ADGRV1: variants seen among roughly 807,000 people sequenced by gnomAD.
ADGRV1 encodes the protein G-protein coupled receptor 98.
Under a neutral mutation model 596.2 loss-of-function variants are expected in ADGRV1, and 359 were observed. The observed-to-expected ratio is 0.60, with a 90% CI of 0.55 to 0.66. The LOEUF is 0.66. ADGRV1 is among the 30% of genes least tolerant of loss of function. ADGRV1 has a pLI of 0.00. For synonymous variants in ADGRV1, 2,681 were observed against 2,679.2 expected, an observed-to-expected ratio of 1.00 and a Z score of -0.02; for missense variants, 7,274 against 7,575.6, an observed-to-expected ratio of 0.96 and a Z score of 1.48.
chr5:91,028,433 G>A (rs1784194781), intron 85 of ADGRV1, among the ~76,000 whole-genome samples: 1 of 152,038 alleles, frequency 6.6e-6, no homozygotes, highest in South Asian at 2.1e-4. Flanking sequence ...AAACACTTCA[G>A]GCCGACTTTG....
Position 90,815,625 on chromosome 5 carries a change from A to G in ADGRV1, c.16085A>G (p.Asp5362Gly). The G allele has an allele frequency of 5.2e-6, 8 of 1,542,156 alleles. No homozygotes were observed. The highest frequency in any genetic ancestry group is 7.1e-6 in the Non-Finnish European group (8 of 1,131,920). The change falls in exon 75 of 90, where the codon GAC (aspartate) becomes GGC (glycine). Residue 5362 changes from aspartate (D) to glycine (G), a missense_variant. Physicochemically the swap from Asp to Gly is moderately conservative, Grantham distance 94. Transcript: ENST00000405460. ...AFAMVIITGS[D>G]LHNGIIGFSE... Reference sequence around the variant, plus strand: ...CCTCCATTCTTTTTTTCAGGGAGTGACCTTCACAATGGCATCATAGGATTC... The same window carrying G: ...CCTCCATTCTTTTTTTCAGGGAGTGGCCTTCACAATGGCATCATAGGATTC...
chr5:90,637,702 T>C, intron 10 of ADGRV1, 23 bp from the exon 11 acceptor site: 2 of 1,492,758 alleles, frequency 1.3e-6, no homozygotes, highest in Non-Finnish European at 1.8e-6. Context: ...GAAGAAATTG[T>C]TCTGTTCTTT....
intron 87 of ADGRV1, among the ~76,000 whole-genome samples, chr5:91,112,132 G>A (rs1582093381): frequency 6.6e-6 from 1 of 152,266 alleles, no homozygotes; most frequent in Non-Finnish European, 1.5e-5. Context: ...TAGATAGACT[G>A]CAGGATTTTC....
rs752178057 is a variant in ADGRV1, at chr5:90,646,020, G to A, written c.2951G>A (p.Gly984Glu). Reference protein sequence around the residue: ...FTVILLNGTGGAKVGNRTTAT... With the variant: ...FTVILLNGTGEAKVGNRTTAT... ...GTTATCCTACTGAATGGCACTGGAG[G>A]AGCTAAAGTGGGAAATAGAACAACT... Residue 984 changes from glycine (G) to glutamate (E), a missense_variant, in exon 16 of 90, where the codon GGA becomes GAA. By Grantham distance (98) the Gly-to-Glu change is moderately conservative. This residue lies in a region of ADGRV1 where 1,715 missense variants were observed against 1,708.8 expected (regional missense o/e 1.00). Coordinates refer to ENST00000405460, the MANE Select transcript of ADGRV1 (RefSeq NM_032119.4). The A allele has an allele frequency of 6.2e-7, 1 of 1,606,836 alleles. No individual in the cohort carries two copies. Among genetic ancestry groups the A allele is most frequent in the Non-Finnish European group, 8.5e-7 (1 of 1,175,874 alleles).
rs752879440 is a variant in ADGRV1, at chr5:90,685,958, T to C, written c.6453T>C (p.Ser2151=). ...CAGGAGGAGCATTTGCAGATGTCTC[T>C]GTGAAGTTTAAAGCTGTGCCAATAA... ...TRTGGAFADV[S]VKFKAVPITA... Residue 2151 remains serine (S), a synonymous_variant, in exon 29 of 90, where the codon TCT becomes TCC. Transcript: ENST00000405460. The C allele has an allele frequency of 1.1e-5, 17 of 1,601,208 alleles. No homozygotes were observed. Among genetic ancestry groups the C allele is most frequent in the African/African-American group, 2.7e-5 (2 of 74,808 alleles).
intron 83 of ADGRV1, among the ~76,000 whole-genome samples, chr5:90,939,808 T>C (rs1581580375): frequency 1.3e-5 from 2 of 152,266 alleles, no homozygotes; most frequent in East Asian, 3.9e-4. Context: ...ATGTGAACCT[T>C]AGAAAAGCCC....
intron 78 of ADGRV1, chr5:90,846,295 T>C (rs569262292): frequency 6.6e-6 from 1 of 152,232 alleles, no homozygotes; most frequent in Non-Finnish European, 1.5e-5. Flanking sequence ...ACATGCAAGT[T>C]ACAAAGAGAG....
chr5:90,677,465 A>G (rs143773974), intron 25 of ADGRV1, among the ~76,000 whole-genome samples: 225 of 152,316 alleles, frequency 1.5e-3, no homozygotes, highest in African/African-American at 5.2e-3. Context: ...TGTATCTCCA[A>G]ATCACTATTT....
intron 87 of ADGRV1, among the ~76,000 whole-genome samples, chr5:91,121,047 A>G (rs1793273547): frequency 6.6e-6 from 1 of 152,022 alleles, no homozygotes; most frequent in South Asian, 2.1e-4. Flanking sequence ...GGTAGCAGAC[A>G]CCTGTAATCC....
At chr5:90,592,829 C>A (rs2151998142) in intron 1 of ADGRV1, among the ~76,000 whole-genome samples, 1 of 152,222 alleles carries the variant, frequency 6.6e-6, no homozygotes, top group East Asian at 1.9e-4. Context: ...TTTATGCAGC[C>A]AACAGACACA....
Position 91,153,241 on chromosome 5 carries a change from AG to A in ADGRV1, c.18646del (p.Ala6216HisfsTer13), listed in dbSNP as rs776592421. On this transcript the variant is annotated frameshift_variant, in exon 89 of 90. Transcript: ENST00000405460. LOFTEE classifies it high-confidence loss of function. ...MEEVPPDWER[A>X]SFQQGSQASP... ...AAAAGGTGCCACCTGACTGGGAGAGAGCATCCTTCCAACAGGGCAGTCAGGC... is the reference window on the plus strand; with the variant it reads ...AAAAGGTGCCACCTGACTGGGAGAGACATCCTTCCAACAGGGCAGTCAGGC... 6 of 1,607,552 alleles carry A rather than the reference AG, an allele frequency of 3.7e-6. No homozygotes were observed. Among genetic ancestry groups the A allele is most frequent in the Non-Finnish European group, 4.2e-6 (5 of 1,176,920 alleles).
At chr5:91,031,326 A>G in intron 85 of ADGRV1, 3 of 1,337,192 alleles carry the variant, frequency 2.2e-6, no homozygotes, top group Middle Eastern at 1.8e-4. Context: ...GCACTTGCTA[A>G]CAGATACAAT....
chr5:91,001,695 T>C (rs1781867165), intron 85 of ADGRV1, among the ~76,000 whole-genome samples: 1 of 152,240 alleles, frequency 6.6e-6, no homozygotes, highest in Non-Finnish European at 1.5e-5. Context: ...GTAAAATCTA[T>C]CCAACTTTTT....
At chr5:91,029,272 A>G (rs1784289418) in intron 85 of ADGRV1, among the ~76,000 whole-genome samples, 3 of 152,214 alleles carry the variant, frequency 2.0e-5, no homozygotes, top group Non-Finnish European at 4.4e-5. Flanking sequence ...TTTAATCAAT[A>G]TAATGTTTTA....
intron 42 of ADGRV1, among the ~76,000 whole-genome samples, chr5:90,713,538 T>C (rs1429701208): frequency 6.6e-6 from 1 of 152,170 alleles, no homozygotes; most frequent in Non-Finnish European, 1.5e-5. Flanking sequence ...AATTTATTGG[T>C]TTATTTAACC....
In ADGRV1 at chr5:90,716,697, T is replaced by C; in HGVS notation, c.9415T>C (p.Tyr3139His). The C allele has an allele frequency of 6.2e-7, 1 of 1,612,762 alleles. No homozygotes were observed. Among genetic ancestry groups the C allele is most frequent in the Non-Finnish European group, 8.5e-7 (1 of 1,178,790 alleles). The change falls in exon 43 of 90, where the codon TAT becomes CAT. Residue 3139 changes from tyrosine (Y) to histidine (H), a missense_variant. Transcript: ENST00000405460. Reference protein sequence around the residue: ...ESKDLTPSKGYIVLEEGVRFK... With the variant: ...ESKDLTPSKGHIVLEEGVRFK... ...TAAAGATCTGACTCCTTCCAAAGGCTATATTGTTTTAGAAGAAGGTGTTCG... is the reference window on the plus strand; with the variant it reads ...TAAAGATCTGACTCCTTCCAAAGGCCATATTGTTTTAGAAGAAGGTGTTCG...
At chr5:91,056,625 C>A (rs1786892799) in intron 85 of ADGRV1, among the ~76,000 whole-genome samples, 1 of 151,972 alleles carries the variant, frequency 6.6e-6, no homozygotes, top group Non-Finnish European at 1.5e-5. Flanking sequence ...TCATTGGGTT[C>A]TTTGGCAACG....
At chr5:90,841,907 G>A (rs114306644) in intron 78 of ADGRV1, among the ~76,000 whole-genome samples, 2,783 of 152,254 alleles carry the variant, frequency 0.018, 98 homozygotes, top group African/African-American at 0.064. Flanking sequence ...AAAAGAGCAG[G>A]CCATGGCAAA....
At chr5:90,728,469 A>G (rs1752090912) in intron 48 of ADGRV1, among the ~76,000 whole-genome samples, 200 bp from the exon 49 acceptor site, 1 of 152,164 alleles carries the variant, frequency 6.6e-6, no homozygotes, top group Admixed American at 6.5e-5. Flanking sequence ...ATGTGCATAG[A>G]CATATATGTG....
Sources: allele counts gnomAD v4.1 joint callset (sites outside exome capture counted in the v4.1 genomes callset), GRCh38; gene constraint gnomAD v4.1.1; regional missense constraint gnomAD v4.1.1; transcripts MANE v1.5; gene names NCBI Gene and HGNC (gene_info 2026-07-23, HGNC 2026-07-21).